The following HNRNPC variants were observed in gnomAD, a reference collection of about 807,000 sequenced individuals.
HNRNPC encodes the protein heterogeneous nuclear ribonucleoproteins C1/C2.
A neutral mutation model predicts 33.2 loss-of-function variants in HNRNPC; 3 were observed. The ratio of observed to expected loss-of-function variants is 0.09; its 90% CI spans 0.04 to 0.23. The LOEUF is 0.23. Among genes scored for constraint, HNRNPC ranks in the 10% least tolerant of loss-of-function variants. The pLI, the probability that HNRNPC is intolerant of heterozygous loss-of-function variation, is 1.00. For missense variants in HNRNPC, 143 were observed against 366.7 expected, an observed-to-expected ratio of 0.39 and a Z score of 4.98; for synonymous variants, 121 against 126.7, an observed-to-expected ratio of 0.96 and a Z score of 0.30.
Position 21,249,748 on chromosome 14 carries a change from A to G in HNRNPC, c.-37+13563T>C, listed in dbSNP as rs1402451902. On this transcript the variant is annotated intron_variant, in intron 2 of 8. Coordinates refer to ENST00000553300, the MANE Select transcript of HNRNPC (RefSeq NM_004500.4). ...CTCAACCTTCACATTTCATTGTGCC[A>G]TCATTAAAGTGTTTCGGGGGTGTTA... 2.0e-5 allele frequency among the ~76,000 whole-genome samples: 3 copies of G among 152,114 alleles called. No individual in the cohort carries two copies. In the East Asian group the frequency reaches 5.8e-4, roughly 29 times the overall value.
intron 5 of HNRNPC, among the ~76,000 whole-genome samples, chr14:21,218,702 A>AAC (rs1594208564): frequency 1.4e-5 from 2 of 140,540 alleles, no homozygotes; most frequent in Non-Finnish European, 3.2e-5. Context: ...AAAAAAAAAA[A>AAC]AAAAAACTGA....
intron 5 of HNRNPC, among the ~76,000 whole-genome samples, chr14:21,222,036 G>A (rs4982432): frequency 0.15 from 8,591 of 57,562 alleles, 398 homozygotes; most frequent in African/African-American, 0.16. Context: ...GCAAGACTCC[G>A]TCTCAAAAAA....
chr14:21,258,048 T>C (rs563970313), intron 2 of HNRNPC, among the ~76,000 whole-genome samples: 2 of 152,328 alleles, frequency 1.3e-5, no homozygotes, highest in South Asian at 2.1e-4. Flanking sequence ...ATTTTAATAA[T>C]AAAAGTCCAA....
intron 5 of HNRNPC, among the ~76,000 whole-genome samples, chr14:21,225,998 A>T (rs1205427170): frequency 1.3e-5 from 2 of 152,130 alleles, no homozygotes; most frequent in Non-Finnish European, 2.9e-5. Flanking sequence ...GACTTTTATG[A>T]GAATTTTTTA....
chr14:21,217,628 T>C (rs939573621), intron 5 of HNRNPC, among the ~76,000 whole-genome samples: 3 of 152,160 alleles, frequency 2.0e-5, no homozygotes, highest in African/African-American at 7.2e-5. Context: ...TAGGTAGCAA[T>C]AGCTCCTATA....
chr14:21,228,273 T>A (rs1893697897), intron 5 of HNRNPC, among the ~76,000 whole-genome samples: 1 of 152,238 alleles, frequency 6.6e-6, no homozygotes. Context: ...CCTACTGCAT[T>A]AGGTCATTAC....
chr14:21,235,393 T>C (rs1471509303), intron 2 of HNRNPC, among the ~76,000 whole-genome samples: 1 of 152,192 alleles, frequency 6.6e-6, no homozygotes, highest in Non-Finnish European at 1.5e-5. Context: ...TACATATATG[T>C]ACATAAAAAC....
chr14:21,227,121 T>C (rs1893556178), intron 5 of HNRNPC, among the ~76,000 whole-genome samples: 2 of 152,108 alleles, frequency 1.3e-5, no homozygotes, highest in Non-Finnish European at 2.9e-5. Context: ...CACCAGGTCA[T>C]ACCCAACCTA....
chr14:21,268,603 G>GA (rs753358943), intron 1 of HNRNPC: 41 of 152,034 alleles, frequency 2.7e-4, no homozygotes, highest in Non-Finnish European at 2.6e-4. Context: ...TTCCGTCTGA[G>GA]AAAGAGAGTT....
rs372018302 is a variant in HNRNPC, at chr14:21,211,805, T to G, written c.637+5A>C. 3.2e-5 allele frequency: 52 copies of G among 1,604,974 alleles called. 1 individual carries two copies. The highest frequency in any genetic ancestry group is 4.3e-4 in the Middle Eastern group (2 of 4,654). On this transcript the variant is annotated splice_donor_5th_base_variant and intron_variant, in intron 7 of 8. Transcript: ENST00000553300. ...ATACCAAGGGCAAGCAGAAAACCCA[T>G]TTACCTGCTTGTTTGCTCTGTTCCT...
At chr14:21,233,170 G>A (rs34514090) in intron 3 of HNRNPC, among the ~76,000 whole-genome samples, 24,863 of 152,070 alleles carry the variant, frequency 0.16, 2,334 homozygotes, top group Middle Eastern at 0.29. Context: ...AAACTAAAGA[G>A]AATTAAATTT....
chr14:21,238,444 A>G (rs749530790), intron 2 of HNRNPC, among the ~76,000 whole-genome samples: 3 of 152,222 alleles, frequency 2.0e-5, no homozygotes, highest in Non-Finnish European at 4.4e-5. Context: ...CTTGTGATTA[A>G]TCTTTACAAT....
chr14:21,257,821 A>C (rs769724796), intron 2 of HNRNPC, among the ~76,000 whole-genome samples: 1 of 152,144 alleles, frequency 6.6e-6, no homozygotes, highest in Non-Finnish European at 1.5e-5. Context: ...TCAGCCTCCC[A>C]AAGTGCTGGG....
At chr14:21,255,453 T>C (rs1190979131) in intron 2 of HNRNPC, among the ~76,000 whole-genome samples, 3 of 152,238 alleles carry the variant, frequency 2.0e-5, no homozygotes, top group East Asian at 1.9e-4. Flanking sequence ...CTCTCCCAAA[T>C]GTTGATACAG....
At chr14:21,241,078 G>C (rs1895279882) in intron 2 of HNRNPC, among the ~76,000 whole-genome samples, 1 of 151,972 alleles carries the variant, frequency 6.6e-6, no homozygotes, top group South Asian at 2.1e-4. Flanking sequence ...AAACCAGCCT[G>C]GCCAACGTGG....
intron 3 of HNRNPC, among the ~76,000 whole-genome samples, chr14:21,231,683 T>C (rs981862881): frequency 9.2e-5 from 14 of 152,184 alleles, no homozygotes; most frequent in African/African-American, 3.4e-4. Flanking sequence ...AGTCTGTTCT[T>C]TACCATTCAA....
Position 21,211,860 on chromosome 14 carries a change from G to T in HNRNPC, c.587C>A (p.Ser196Tyr), listed in dbSNP as rs764927549. Residue 196 changes from serine to tyrosine, a missense_variant, in exon 7 of 9, where the codon TCT becomes TAT. Coordinates refer to ENST00000553300, the MANE Select transcript of HNRNPC (RefSeq NM_004500.4). ...ELTQIKQKVD[S>Y]LLENLEKIEK... ...AATTTTTTCCAGGTTTTCCAGGAGA[G>T]AATCCACTTTTTGTTTTATCTGGGT... The T allele has an allele frequency of 2.0e-5, 33 of 1,613,156 alleles. No individual in the cohort carries two copies. Among genetic ancestry groups the T allele is most frequent in the East Asian group, 8.9e-5 (4 of 44,878 alleles).
intron 5 of HNRNPC, among the ~76,000 whole-genome samples, chr14:21,219,618 T>C (rs1288899128): frequency 6.6e-6 from 1 of 152,190 alleles, no homozygotes; most frequent in Non-Finnish European, 1.5e-5. Context: ...TGCTTCTCCA[T>C]TTTTTTCATT....
chr14:21,230,262 A>G, intron 5 of HNRNPC, 57 bp downstream of exon 5: 2 of 1,264,020 alleles, frequency 1.6e-6, no homozygotes, highest in Non-Finnish European at 1.1e-6. Context: ...AACCAGAAGA[A>G]CGAAATGGTT....
Sources: allele counts gnomAD v4.1 joint callset (sites outside exome capture counted in the v4.1 genomes callset), GRCh38; gene constraint gnomAD v4.1.1; transcripts MANE v1.5; gene names NCBI Gene and HGNC (gene_info 2026-07-23, HGNC 2026-07-21).